The following ZPLD1 variants were observed in gnomAD, a reference collection of about 807,000 sequenced individuals.
The protein encoded by ZPLD1 is zona pellucida-like domain-containing protein 1.
A neutral mutation model predicts 47.2 loss-of-function variants in ZPLD1; 34 were observed. The observed-to-expected ratio is 0.72, with a 90% CI of 0.55 to 0.96. The LOEUF is 0.96. Among genes scored for constraint, ZPLD1 ranks in the 40% least tolerant of loss-of-function variants. The probability of loss-of-function intolerance (pLI) is 0.00; values close to 1 mark genes in which losing one functional copy is unlikely to be tolerated. For synonymous variants in ZPLD1, 176 were observed against 186.2 expected, an observed-to-expected ratio of 0.95 and a Z score of 0.45; for missense variants, 512 against 505.8, an observed-to-expected ratio of 1.01 and a Z score of -0.12.
chr3:102,424,356 G>C (rs897449398), intron 8 of ZPLD1, among the ~76,000 whole-genome samples: 1 of 151,932 alleles, frequency 6.6e-6, no homozygotes. Flanking sequence ...ATTCACAAAT[G>C]AATGTCCTAT....
chr3:102,413,766 G>A (rs903221006), intron 7 of ZPLD1, among the ~76,000 whole-genome samples: 7 of 151,720 alleles, frequency 4.6e-5, no homozygotes, highest in African/African-American at 1.7e-4. Context: ...TCTAGATAAG[G>A]TGGAAAACTG....
intron 6 of ZPLD1, among the ~76,000 whole-genome samples, chr3:102,388,986 C>T (rs1453823899): frequency 6.6e-6 from 1 of 152,094 alleles, no homozygotes; most frequent in Non-Finnish European, 1.5e-5. Flanking sequence ...CAACCTTCAC[C>T]CTCAGTTGTA....
At position 102,479,375 on chromosome 3, in the gene ZPLD1, A is replaced by G. The variant is rs1276361008; in HGVS notation, c.*1757A>G. ...TGGTAAATCTATTTCAGATACTTTA[A>G]GTGAATTGCCATTGATTCTACGATT... is the stretch of plus-strand genomic sequence containing the variant. On this transcript the variant is annotated 3_prime_UTR_variant, in exon 12 of 12. Coordinates refer to ENST00000466937, the MANE Select transcript of ZPLD1 (RefSeq NM_001329788.2). 6.6e-6 allele frequency: 1 copy of G among 152,204 alleles called. No homozygotes were observed. The highest frequency in any genetic ancestry group is 1.5e-5 in the Non-Finnish European group (1 of 68,024). 9.4% of individuals were successfully genotyped at this position (152,204 alleles called of 1,614,324 possible).
At chr3:102,404,365 T>C (rs1002224121) in intron 7 of ZPLD1, among the ~76,000 whole-genome samples, 8 of 152,026 alleles carry the variant, frequency 5.3e-5, no homozygotes, top group African/African-American at 1.4e-4. Context: ...TATTTTTCTG[T>C]GCCTTTTTTC....
rs372677453 is a variant in ZPLD1 at position 102,462,326 on chromosome 3, C to T, written c.628C>T (p.Pro210Ser). ...GTTAATTATCCCCAGTATAGGATTA[C>T]CTTTGAAAACCAAAGTATTTGCAGC... Reference protein sequence around the residue: ...QQLIIPSIGLPLKTKVFAAVQ... With the variant: ...QQLIIPSIGLSLKTKVFAAVQ... Residue 210 changes from proline (P) to serine (S), a missense_variant, in exon 7 of 12, where the codon CCT becomes TCT. Physicochemically the swap from Pro to Ser is moderately conservative, Grantham distance 74. Coordinates refer to ENST00000466937, the MANE Select transcript of ZPLD1 (RefSeq NM_001329788.2). 6.2e-7 allele frequency: 1 copy of T among 1,611,746 alleles called. No homozygotes were observed. Among genetic ancestry groups the T allele is most frequent in the Non-Finnish European group, 8.5e-7 (1 of 1,178,852 alleles).
Position 102,392,511 on chromosome 3 carries a change from TCTTCCTTC to T in ZPLD1, c.-157+305_-157+312del, listed in dbSNP as rs201506485. On this transcript the variant is annotated intron_variant, in intron 7 of 17. Transcript: ENST00000491959. ...TCAGGTGGATCTCCCTTCCTTTCTT[TCTTCCTTC>T]CTTCCTTCCTTCCTTCCTCCCTCCC... Among the ~76,000 whole-genome samples the T allele has an allele frequency of 2.9e-4, 44 of 150,748 alleles. 1 individual carries two copies. In the South Asian group the frequency reaches 6.5e-3, roughly 22 times the overall value.
At position 102,478,215 on chromosome 3, in the gene ZPLD1, C is replaced by G. The variant is rs1416269829; in HGVS notation, c.*597C>G. On this transcript the variant is annotated 3_prime_UTR_variant, in exon 12 of 12. Transcript: ENST00000466937. ...GGACATATCTCTTAACCTGGGGCAC[C>G]CTTTTGTGTAGAAGATAGTGAAAAT... 1 of 152,074 alleles carries G rather than the reference C, an allele frequency of 6.6e-6. No individual in the cohort carries two copies. The highest frequency in any genetic ancestry group is 1.5e-5 in the Non-Finnish European group (1 of 68,020). 9.4% of individuals were successfully genotyped at this position (152,074 alleles called of 1,614,324 possible). A position where few individuals can be genotyped will look rare whatever the true frequency, so the allele number is the denominator to read the frequency against.
chr3:102,437,932 C>T (rs1365153325), intron 2 of ZPLD1, among the ~76,000 whole-genome samples: 1 of 152,126 alleles, frequency 6.6e-6, no homozygotes, highest in Non-Finnish European at 1.5e-5. Flanking sequence ...GACACACAAA[C>T]CATTGATTTT....
chr3:102,453,144 G>A lies in ZPLD1; in HGVS notation c.327+5G>A, dbSNP rs1318972024. 1 of 1,612,994 alleles carries A rather than the reference G, an allele frequency of 6.2e-7. No homozygotes were observed. The highest frequency in any genetic ancestry group is 1.7e-5 in the Admixed American group (1 of 59,954). ...GGCTGTGGAAACAACCTGGTGGTAAGATTAGTGTGACATTGTGTGCTAGGT... is the reference window on the plus strand; with the variant it reads ...GGCTGTGGAAACAACCTGGTGGTAAAATTAGTGTGACATTGTGTGCTAGGT... On this transcript the variant is annotated splice_donor_5th_base_variant and intron_variant, in intron 4 of 11. Coordinates refer to ENST00000466937, the MANE Select transcript of ZPLD1 (RefSeq NM_001329788.2).
At chr3:102,459,326 G>C (rs1707471254) in intron 6 of ZPLD1, among the ~76,000 whole-genome samples, 2 of 152,020 alleles carry the variant, frequency 1.3e-5, no homozygotes, top group Admixed American at 1.3e-4. Flanking sequence ...TTCTAATTGA[G>C]TGAGACAAAG....
intron 8 of ZPLD1, among the ~76,000 whole-genome samples, chr3:102,428,482 C>A (rs1037242806): frequency 6.6e-6 from 1 of 151,946 alleles, no homozygotes; most frequent in Admixed American, 6.6e-5. Context: ...AACTTAAATT[C>A]TGACTTAAAA....
intron 9 of ZPLD1, 69 bp from the exon 10 acceptor site, chr3:102,470,325 T>C (rs17822656): frequency 0.12 from 144,436 of 1,211,280 alleles, 9,524 homozygotes; most frequent in Non-Finnish European, 0.13. Flanking sequence ...AGAATCTGCT[T>C]TCCAAATGGC....
At chr3:102,398,899 CACAT>C (rs1350224457) in intron 7 of ZPLD1, among the ~76,000 whole-genome samples, 1 of 149,996 alleles carries the variant, frequency 6.7e-6, no homozygotes, top group Non-Finnish European at 1.5e-5. Context: ...CACACACACA[CACAT>C]ATGCACGCAC....
intron 5 of ZPLD1, among the ~76,000 whole-genome samples, 171 bp downstream of exon 5, chr3:102,456,545 A>ATATCTATC (rs3077584): frequency 0.13 from 18,394 of 146,966 alleles, 1,259 homozygotes; most frequent in East Asian, 0.19. Context: ...TTTATCTATT[A>ATATCTATC]TATCTATCTA....
intron 5 of ZPLD1, among the ~76,000 whole-genome samples, chr3:102,457,492 A>C (rs1195520603): frequency 6.6e-6 from 1 of 152,240 alleles, no homozygotes; most frequent in Non-Finnish European, 1.5e-5. Context: ...GTGTATTTGC[A>C]TTAGATTCAA....
Position 102,438,564 on chromosome 3 carries a change from G to T in ZPLD1, c.77G>T (p.Cys26Phe). ...PGSAQFNGYN[C>F]DANLHSRFPA... ...TCTGCTCAGTTCAACGGCTACAACT[G>T]TGATGCCAACCTCCACAGTAGATTT... is the stretch of plus-strand genomic sequence containing the variant. The change falls in exon 3 of 12, where the codon TGT (cysteine) becomes TTT (phenylalanine). Residue 26 changes from cysteine to phenylalanine, a missense_variant. Coordinates refer to ENST00000466937, the MANE Select transcript of ZPLD1 (RefSeq NM_001329788.2). 1 of 1,613,828 alleles carries T rather than the reference G, an allele frequency of 6.2e-7. No homozygotes were observed. Among genetic ancestry groups the T allele is most frequent in the South Asian group, 1.1e-5 (1 of 91,070 alleles).
chr3:102,393,016 A>T (rs1706514695), intron 7 of ZPLD1, among the ~76,000 whole-genome samples: 1 of 152,176 alleles, frequency 6.6e-6, no homozygotes, highest in Non-Finnish European at 1.5e-5. Flanking sequence ...CTCTTCCTTC[A>T]AACACATGTA....
At chr3:102,393,578 G>A (rs1425887946) in intron 7 of ZPLD1, among the ~76,000 whole-genome samples, 2 of 151,886 alleles carry the variant, frequency 1.3e-5, no homozygotes, top group Non-Finnish European at 2.9e-5. Context: ...AGAAGGCATG[G>A]CAGAAATCTA....
intron 10 of ZPLD1, among the ~76,000 whole-genome samples, chr3:102,472,772 G>T (rs1018112679): frequency 6.6e-6 from 1 of 152,090 alleles, no homozygotes; most frequent in Non-Finnish European, 1.5e-5. Flanking sequence ...GTTCATCTTG[G>T]GTAGATGGCT....
Sources: allele counts gnomAD v4.1 joint callset (sites outside exome capture counted in the v4.1 genomes callset), GRCh38; gene constraint gnomAD v4.1.1; transcripts MANE v1.5; gene names NCBI Gene and HGNC (gene_info 2026-07-23, HGNC 2026-07-21).